Variants in TLN2 observed in about 807,000 individuals in gnomAD.
TLN2 encodes talin-2.
In TLN2, 118 loss-of-function variants were observed where a neutral mutation model predicts 294.7. That is an observed-to-expected ratio of 0.40 (90% confidence interval 0.34 to 0.47). TLN2 has a LOEUF of 0.47. Ranked by LOEUF, TLN2 falls within the 20% of genes least tolerant of loss-of-function variation. The probability of loss-of-function intolerance (pLI) is 0.84; values close to 1 mark genes in which losing one functional copy is unlikely to be tolerated. For synonymous variants in TLN2, 1,431 were observed against 1,304.5 expected (o/e 1.10, Z -2.09); for missense variants, 3,083 against 3,282.2 (o/e 0.94, Z 1.48).
chr15:62,721,669 A>C (rs924949552), intron 25 of TLN2, among the ~76,000 whole-genome samples: 3 of 152,210 alleles, frequency 2.0e-5, no homozygotes, highest in African/African-American at 7.2e-5. Flanking sequence ...ATTTATACAA[A>C]GAAAATTATA....
chr15:62,817,016 T>TTA (rs1028175679), intron 52 of TLN2, among the ~76,000 whole-genome samples: 67 of 151,966 alleles, frequency 4.4e-4, no homozygotes, highest in East Asian at 1.7e-3. Context: ...CAGTAGCTCT[T>TTA]TATATATATA....
intron 2 of TLN2, among the ~76,000 whole-genome samples, chr15:62,607,130 C>G (rs1052003513): frequency 3.3e-5 from 5 of 152,146 alleles, no homozygotes; most frequent in East Asian, 1.9e-4. Context: ...ATGTTACTTC[C>G]TTTTTGAGCT....
chr15:62,685,186 G>A (rs567904455), intron 11 of TLN2, among the ~76,000 whole-genome samples: 25 of 151,996 alleles, frequency 1.6e-4, no homozygotes, highest in Admixed American at 1.4e-3. Flanking sequence ...TTTCCTCTAA[G>A]ATTAGGCCCT....
chr15:62,619,965 G>C (rs1305706376), intron 3 of TLN2, among the ~76,000 whole-genome samples: 2 of 152,040 alleles, frequency 1.3e-5, no homozygotes, highest in Non-Finnish European at 2.9e-5. Context: ...GGTATCCTCA[G>C]TTTATCTAGG....
chr15:62,439,633 T>G (rs561031459), intron 1 of TLN2, among the ~76,000 whole-genome samples: 6 of 152,106 alleles, frequency 3.9e-5, no homozygotes, highest in Admixed American at 2.6e-4. Flanking sequence ...TTTTATGGAT[T>G]GGGTCAGCAT....
At chr15:62,827,617 C>T (rs961837029) in intron 54 of TLN2, 28 of 152,250 alleles carry the variant, frequency 1.8e-4, no homozygotes, top group African/African-American at 6.5e-4. Context: ...CTGTTTGGTA[C>T]CTGACGCTTA....
chr15:62,468,065 C>G (rs777908299), intron 1 of TLN2, among the ~76,000 whole-genome samples: 6 of 152,148 alleles, frequency 3.9e-5, no homozygotes, highest in Middle Eastern at 3.4e-3. Flanking sequence ...GTTTTCCTTC[C>G]ATCCTTTTGG....
At chr15:62,516,942 T>C (rs552223639) in intron 1 of TLN2, among the ~76,000 whole-genome samples, 1 of 152,310 alleles carries the variant, frequency 6.6e-6, no homozygotes, top group Admixed American at 6.5e-5. Context: ...GAGATGTGGG[T>C]TTCACTGGAA....
intron 1 of TLN2, among the ~76,000 whole-genome samples, chr15:62,583,504 G>GT (rs67564590): frequency 0.17 from 26,060 of 149,932 alleles, 2,808 homozygotes; most frequent in East Asian, 0.43. Context: ...TTCTTTTTTT[G>GT]TTTTTTTTTG....
intron 25 of TLN2, 114 bp from the exon 26 acceptor site, chr15:62,722,239 T>G: frequency 8.3e-7 from 1 of 1,205,710 alleles, no homozygotes; most frequent in South Asian, 2.1e-5. Context: ...TTAATATTCC[T>G]TTTTTTTAGG....
intron 1 of TLN2, among the ~76,000 whole-genome samples, chr15:62,407,337 C>G (rs552029724): frequency 6.6e-6 from 1 of 152,204 alleles, no homozygotes; most frequent in East Asian, 1.9e-4. Context: ...AGGTTTCTCC[C>G]CGTAATACCA....
At chr15:62,571,487 C>G (rs1271653130) in intron 1 of TLN2, among the ~76,000 whole-genome samples, 1 of 152,178 alleles carries the variant, frequency 6.6e-6, no homozygotes, top group Non-Finnish European at 1.5e-5. Context: ...ATATTTTTAT[C>G]ATTTTTTAAA....
chr15:62,657,812 C>A lies in TLN2; in HGVS notation c.702C>A (p.Phe234Leu), dbSNP rs148402491. The A allele has an allele frequency of 6.2e-7, 1 of 1,613,724 alleles. No homozygotes were observed. Among genetic ancestry groups the A allele is most frequent in the African/African-American group, 1.3e-5 (1 of 74,904 alleles). Residue 234 changes from phenylalanine to leucine, a missense_variant, in exon 9 of 59, where the codon TTC becomes TTA. By Grantham distance (22) the Phe-to-Leu change is conservative. Coordinates refer to ENST00000636159, the MANE Select transcript of TLN2 (RefSeq NM_015059.3). ...DILNGSHPVS[F>L]EKACEFGGFQ... is the part of the protein sequence containing the mutation. ...TGAATGGCTCTCACCCTGTCTCCTT[C>A]GAGAAAGCTTGTGAGTTTGGTGGAT...
At position 62,762,806 on chromosome 15, in the gene TLN2, T is replaced by C. The variant is rs564460733; in HGVS notation, c.4961+353T>C. 2.8e-3 allele frequency among the ~76,000 whole-genome samples: 428 copies of C among 152,346 alleles called. 1 individual carries two copies. The highest frequency in any genetic ancestry group is 5.1e-3 in the Non-Finnish European group (349 of 68,032). ...CCCAATGGCTGTCTAATCACTGTAC[T>C]ACATTGTCCGTATCTAGGAGTTTAG... On this transcript the variant is annotated intron_variant, in intron 39 of 58. Coordinates refer to ENST00000636159, the MANE Select transcript of TLN2 (RefSeq NM_015059.3).
At chr15:62,824,949 G>C (rs1164865380) in intron 54 of TLN2, among the ~76,000 whole-genome samples, 1 of 152,220 alleles carries the variant, frequency 6.6e-6, no homozygotes, top group Non-Finnish European at 1.5e-5. Flanking sequence ...TAAACAGGTA[G>C]TCATGAAAGC....
chr15:62,729,770 G>A (rs528044326), intron 28 of TLN2, among the ~76,000 whole-genome samples: 1 of 152,154 alleles, frequency 6.6e-6, no homozygotes, highest in Non-Finnish European at 1.5e-5. Flanking sequence ...TGGGGTTCGA[G>A]TCTATCATCT....
chr15:62,580,544 G>A (rs532226655), intron 1 of TLN2, among the ~76,000 whole-genome samples: 3 of 152,050 alleles, frequency 2.0e-5, no homozygotes, highest in Admixed American at 6.5e-5. Context: ...GCGAGTAGCC[G>A]GTACTATAGG....
chr15:62,798,559 A>AC (rs199968968), intron 48 of TLN2, among the ~76,000 whole-genome samples: 314 of 152,128 alleles, frequency 2.1e-3, no homozygotes, highest in Non-Finnish European at 3.3e-3. Flanking sequence ...ACAAAACAAA[A>AC]AAAAAAAACC....
chr15:62,449,881 G>C (rs773943441), intron 1 of TLN2, among the ~76,000 whole-genome samples: 4 of 152,160 alleles, frequency 2.6e-5, no homozygotes, highest in Non-Finnish European at 5.9e-5. Context: ...AAAAGTGCAT[G>C]GTTCCATGAT....
Sources: gnomAD v4.1 joint callset for allele counts (sites outside exome capture counted in the v4.1 genomes callset) on GRCh38, gnomAD v4.1.1 for gene constraint, MANE v1.5 for transcripts, NCBI Gene and HGNC (gene_info 2026-07-23, HGNC 2026-07-21) for gene names.